Variants in SLC38A6 observed in about 807,000 individuals in gnomAD.
The protein encoded by SLC38A6 is solute carrier family 38 member 6, also known as N system amino acid transporter NAT-1.
In SLC38A6, 73 loss-of-function variants were observed where a neutral mutation model predicts 65.0. The ratio of observed to expected loss-of-function variants is 1.12; its 90% CI spans 0.93 to 1.37. The LOEUF (loss-of-function observed/expected upper bound fraction) is 1.37, where lower values mean the gene tolerates loss of function less well. Among genes scored for constraint, SLC38A6 ranks in the 40% most tolerant of loss-of-function variants. SLC38A6 has a pLI of 0.00. For missense variants in SLC38A6, 561 were observed against 531.1 expected, an observed-to-expected ratio of 1.06 and a Z score of -0.55; for synonymous variants, 183 against 178.8, an observed-to-expected ratio of 1.02 and a Z score of -0.19.
intron 3 of SLC38A6, chr14:61,002,372 C>CA (rs1387909868): frequency 6.6e-6 from 1 of 151,934 alleles, no homozygotes; most frequent in African/African-American, 2.4e-5. Flanking sequence ...ATAGAAAACA[C>CA]AAGAAAGACA....
At chr14:61,048,144 C>T (rs1410400563) in intron 12 of SLC38A6, 2 of 454,834 alleles carry the variant, frequency 4.4e-6, no homozygotes, top group African/African-American at 4.0e-5. Flanking sequence ...TCATATCTTT[C>T]TACCAGGATA....
intron 5 of SLC38A6, among the ~76,000 whole-genome samples, chr14:61,027,712 C>T (rs1430762404): frequency 6.8e-6 from 1 of 147,488 alleles, no homozygotes; most frequent in African/African-American, 2.5e-5. Context: ...TGTTTCTTTT[C>T]TGTATTATAT....
At chr14:61,033,375 C>T (rs2041134721) in intron 6 of SLC38A6, among the ~76,000 whole-genome samples, 1 of 151,940 alleles carries the variant, frequency 6.6e-6, no homozygotes, top group South Asian at 2.1e-4. Flanking sequence ...TTTTATCATA[C>T]AGGATTAAAT....
In SLC38A6 at chr14:61,043,476, G is replaced by A. The variant is rs2041935894; in HGVS notation, c.717G>A (p.Lys239=). Residue 239 remains lysine, a synonymous_variant, in exon 10 of 16, where the codon AAG becomes AAA. Transcript: ENST00000267488. ...FQISNVTDDC[K]PKLFHFSKES... is the part of the protein sequence containing the mutation. ...TTTCAAATGTTACAGATGATTGTAA[G>A]CCAAAGCTCTTTCATTTCTCCAAAG... 6.2e-7 allele frequency: 1 copy of A among 1,608,220 alleles called. No individual in the cohort carries two copies. The highest frequency in any genetic ancestry group is 8.5e-7 in the Non-Finnish European group (1 of 1,178,024).
Position 61,006,197 on chromosome 14 carries a change from A to G in SLC38A6, c.311-9707A>G, listed in dbSNP as rs1325408578. On this transcript the variant is annotated intron_variant, in intron 3 of 15. Transcript: ENST00000267488. ...TTAATTCAAGATGGATTAAAGACTT[A>G]AACATTAGATCTAAAACCATAAAAA... is the stretch of plus-strand genomic sequence containing the variant. Among the ~76,000 whole-genome samples the G allele has an allele frequency of 2.0e-5, 3 of 152,246 alleles. No homozygotes were observed. The East Asian group carries it at 5.8e-4, about 29-fold the overall frequency.
intron 3 of SLC38A6, among the ~76,000 whole-genome samples, chr14:60,988,935 A>G (rs954797238): frequency 5.9e-5 from 9 of 152,230 alleles, no homozygotes; most frequent in African/African-American, 1.9e-4. Flanking sequence ...TTCAACGTCT[A>G]GTGTACCTAT....
intron 3 of SLC38A6, among the ~76,000 whole-genome samples, chr14:60,994,769 C>T (rs564489598): frequency 1.1e-4 from 16 of 150,542 alleles, no homozygotes; most frequent in Admixed American, 1.3e-4. Flanking sequence ...TTTGGGAGGC[C>T]GAGGTGGGCG....
intron 3 of SLC38A6, among the ~76,000 whole-genome samples, chr14:60,990,212 G>A (rs1213731132): frequency 6.6e-6 from 1 of 152,126 alleles, no homozygotes; most frequent in East Asian, 1.9e-4. Flanking sequence ...TGTATTTTTA[G>A]TAGAAACAGG....
intron 3 of SLC38A6, chr14:61,002,188 A>G (rs1007817497): frequency 6.6e-6 from 1 of 152,206 alleles, no homozygotes; most frequent in Non-Finnish European, 1.5e-5. Context: ...GTATTCTAGC[A>G]TTCTGTTTTC....
chr14:61,000,022 TAAAG>T (rs991783742), intron 3 of SLC38A6, among the ~76,000 whole-genome samples: 5 of 152,184 alleles, frequency 3.3e-5, no homozygotes, highest in Non-Finnish European at 7.4e-5. Flanking sequence ...AACAATGAAA[TAAAG>T]AAGACACAAA....
intron 10 of SLC38A6, among the ~76,000 whole-genome samples, 190 bp downstream of exon 10, chr14:61,043,693 C>CTTT (rs34559752): frequency 1.5e-4 from 16 of 107,312 alleles, no homozygotes; most frequent in South Asian, 2.9e-4. Flanking sequence ...AAACAGCCAC[C>CTTT]TTTTTTTTTT....
rs145791115 is a variant in SLC38A6 at position 61,004,034 on chromosome 14, C to A, written c.311-11870C>A. ...CAAGTTTGAGGTTACTAAAATGTAT[C>A]CCATTATTGTCAGAGTTGCATTTCA... On this transcript the variant is annotated intron_variant, in intron 3 of 15. Coordinates refer to ENST00000267488, the MANE Select transcript of SLC38A6 (RefSeq NM_153811.3). Among the ~76,000 whole-genome samples, 224 of 152,174 alleles carry A rather than the reference C, an allele frequency of 1.5e-3. 1 individual carries two copies. The highest frequency in any genetic ancestry group is 5.0e-3 in the African/African-American group (208 of 41,536).
chr14:61,082,119 C>T lies in SLC38A6; in HGVS notation c.1409-1436C>T, dbSNP rs147775556. 3.3e-3 allele frequency among the ~76,000 whole-genome samples: 498 copies of T among 152,210 alleles called. 4 individuals are homozygous for T. Among genetic ancestry groups the T allele is most frequent in the Non-Finnish European group, 3.9e-3 (263 of 68,020 alleles). ...TCCCCACACTTCCTAACACAGTGTC[C>T]CCCAAAGTGTGCATCAATGGATGGA... On this transcript the variant is annotated intron_variant, in intron 16 of 16. Coordinates refer to the SLC38A6 transcript ENST00000354886.
chr14:61,025,719 G>A (rs189129815), intron 5 of SLC38A6, among the ~76,000 whole-genome samples: 1 of 151,880 alleles, frequency 6.6e-6, no homozygotes, highest in African/African-American at 2.4e-5. Context: ...TTTTTTCTAG[G>A]GTCATGGGGG....
chr14:61,070,817 G>A (rs1306761235), intron 15 of SLC38A6, among the ~76,000 whole-genome samples: 7 of 152,112 alleles, frequency 4.6e-5, no homozygotes, highest in African/African-American at 2.4e-5. Context: ...GTGATGTTGA[G>A]CATCTTCATA....
chr14:61,020,246 G>A (rs779147672), intron 5 of SLC38A6, among the ~76,000 whole-genome samples: 6 of 152,046 alleles, frequency 3.9e-5, no homozygotes, highest in South Asian at 2.1e-4. Flanking sequence ...AAGAAGTTGC[G>A]TAGTGCTGAA....
In SLC38A6 at chr14:60,987,805, T is replaced by C. The variant is rs551260042; in HGVS notation, c.310+3002T>C. Among the ~76,000 whole-genome samples, 5 of 152,342 alleles carry C rather than the reference T, an allele frequency of 3.3e-5. No individual in the cohort carries two copies. The East Asian group carries it at 9.6e-4, about 29-fold the overall frequency. On this transcript the variant is annotated intron_variant, in intron 3 of 15. Coordinates refer to ENST00000267488, the MANE Select transcript of SLC38A6 (RefSeq NM_153811.3). ...CTGGAGAGAGTGAGAGTCCTAGAAC[T>C]CTGCATACCTCTGGCCGAACCACAA...
At chr14:61,045,895 A>G (rs1225739654) in intron 11 of SLC38A6, among the ~76,000 whole-genome samples, 172 bp from the exon 12 acceptor site, 1 of 152,118 alleles carries the variant, frequency 6.6e-6, no homozygotes. Context: ...CAAAAAAAAA[A>G]AAAGGAAGAA....
intron 3 of SLC38A6, among the ~76,000 whole-genome samples, chr14:60,990,305 A>G (rs1168665222): frequency 1.3e-5 from 2 of 152,174 alleles, no homozygotes; most frequent in Non-Finnish European, 2.9e-5. Flanking sequence ...TGCTGGGATT[A>G]CAGGTGTGAG....
Sources: gnomAD v4.1 joint callset for allele counts (sites outside exome capture counted in the v4.1 genomes callset) on GRCh38, gnomAD v4.1.1 for gene constraint, MANE v1.5 for transcripts, NCBI Gene and HGNC (gene_info 2026-07-23, HGNC 2026-07-21) for gene names.